GMDS: variants seen among roughly 807,000 people sequenced by gnomAD.
The protein encoded by GMDS is GDP-mannose 4,6-dehydratase.
GMDS carries 20 observed loss-of-function variants against 49.9 expected under a neutral mutation model. The observed-to-expected ratio is 0.40, with a 90% CI of 0.28 to 0.58. The LOEUF (loss-of-function observed/expected upper bound fraction) is 0.58, where lower values mean the gene tolerates loss of function less well. GMDS is among the 20% of genes least tolerant of loss of function. The pLI, the probability that GMDS is intolerant of heterozygous loss-of-function variation, is 0.42. For missense variants in GMDS, 362 were observed against 481.4 expected (o/e 0.75, Z 2.32); for synonymous variants, 177 against 178.6 (o/e 0.99, Z 0.07).
chr6:1,675,789 G>C lies in GMDS; in HGVS notation c.987+50627C>G, dbSNP rs1238376454. Among the ~76,000 whole-genome samples the C allele has an allele frequency of 7.9e-5, 12 of 151,118 alleles. 1 individual carries two copies. The highest frequency in any genetic ancestry group is 7.3e-4 in the Admixed American group (11 of 15,154). On this transcript the variant is annotated intron_variant, in intron 9 of 10. Coordinates refer to ENST00000380815, the MANE Select transcript of GMDS (RefSeq NM_001500.4). ...AATGGCGTGAACTCGGGAGGTGGAGGTTGCAGTGAGCCGAGATCACGCCAC... is the reference window on the plus strand; with the variant it reads ...AATGGCGTGAACTCGGGAGGTGGAGCTTGCAGTGAGCCGAGATCACGCCAC...
intron 1 of GMDS, among the ~76,000 whole-genome samples, chr6:2,150,897 C>G (rs1051612877): frequency 6.6e-6 from 1 of 152,116 alleles, no homozygotes; most frequent in Non-Finnish European, 1.5e-5. Context: ...CAGCTTCTAG[C>G]TAATTTGAAT....
intron 1 of GMDS, among the ~76,000 whole-genome samples, chr6:2,206,710 G>T (rs996896292): frequency 6.6e-6 from 1 of 152,202 alleles, no homozygotes; most frequent in African/African-American, 2.4e-5. Flanking sequence ...CAGAGCTCTG[G>T]CTTGGTAGGT....
chr6:1,792,397 C>T (rs1769581114), intron 7 of GMDS, among the ~76,000 whole-genome samples: 1 of 152,192 alleles, frequency 6.6e-6, no homozygotes, highest in Non-Finnish European at 1.5e-5. Context: ...AAACATCTCT[C>T]TTGAAGGGAT....
intron 7 of GMDS, among the ~76,000 whole-genome samples, chr6:1,913,242 G>A (rs1007340588): frequency 1.4e-4 from 21 of 150,752 alleles, no homozygotes; most frequent in South Asian, 4.2e-4. Flanking sequence ...TTAGCCGGGC[G>A]TAGTGGCGGG....
rs1439032392 is a variant in GMDS at position 2,008,853 on chromosome 6, C to T, written c.346-47887G>A. ...AGTTTGTTACATGCCCTAGCAGGTA[C>T]GTAACATACCTCATTTTTTGGTTTT... On this transcript the variant is annotated intron_variant, in intron 4 of 10. Transcript: ENST00000380815. Among the ~76,000 whole-genome samples the T allele has an allele frequency of 3.9e-5, 6 of 152,262 alleles. No individual in the cohort carries two copies. The East Asian group carries it at 5.8e-4, about 15-fold the overall frequency.
intron 7 of GMDS, among the ~76,000 whole-genome samples, chr6:1,923,809 G>C (rs565119393): frequency 4.5e-4 from 68 of 152,340 alleles, no homozygotes; most frequent in South Asian, 2.9e-3. Context: ...CTTCCTTCCA[G>C]ATTTGTGTAA....
At chr6:1,711,193 C>T (rs1049244322) in intron 9 of GMDS, among the ~76,000 whole-genome samples, 3 of 152,256 alleles carry the variant, frequency 2.0e-5, no homozygotes, top group African/African-American at 7.2e-5. Context: ...CTGTGTGCAT[C>T]ATTCCCTGAC....
At chr6:1,658,430 C>T (rs1206798390) in intron 9 of GMDS, among the ~76,000 whole-genome samples, 2 of 152,268 alleles carry the variant, frequency 1.3e-5, no homozygotes, top group African/African-American at 4.8e-5. Flanking sequence ...GCCCACACAG[C>T]CCAGCGCTCT....
intron 4 of GMDS, among the ~76,000 whole-genome samples, chr6:2,073,886 C>G (rs1253957092): frequency 6.6e-6 from 1 of 152,064 alleles, no homozygotes; most frequent in South Asian, 2.1e-4. Flanking sequence ...TGTATATATA[C>G]CACATTTTCT....
chr6:2,217,215 C>A (rs1780382665), intron 1 of GMDS, among the ~76,000 whole-genome samples: 1 of 152,052 alleles, frequency 6.6e-6, no homozygotes. Flanking sequence ...CACCTGGCTG[C>A]ACCCCCTCCC....
At chr6:2,126,699 A>G (rs540205930) in intron 1 of GMDS, among the ~76,000 whole-genome samples, 1 of 152,238 alleles carries the variant, frequency 6.6e-6, no homozygotes, top group East Asian at 1.9e-4. Context: ...CAGTGCTGTT[A>G]TCGTGGCTCA....
chr6:1,970,904 G>A (rs1406930557), intron 4 of GMDS, among the ~76,000 whole-genome samples: 1 of 147,916 alleles, frequency 6.8e-6, no homozygotes, highest in East Asian at 2.1e-4. Context: ...AGCATGGCAC[G>A]TGTTTACCTG....
intron 1 of GMDS, among the ~76,000 whole-genome samples, chr6:2,216,944 T>C (rs1780366302): frequency 6.6e-6 from 1 of 152,128 alleles, no homozygotes. Flanking sequence ...CAGTGGTTCC[T>C]ACTCCAGGAC....
At chr6:1,727,969 TC>T (rs1384471891) in intron 8 of GMDS, among the ~76,000 whole-genome samples, 1 of 152,240 alleles carries the variant, frequency 6.6e-6, no homozygotes, top group Admixed American at 6.5e-5. Context: ...TTTCATTTCT[TC>T]CTTAATGTTG....
At chr6:1,881,926 G>A (rs971929698) in intron 7 of GMDS, among the ~76,000 whole-genome samples, 1 of 152,202 alleles carries the variant, frequency 6.6e-6, no homozygotes, top group Non-Finnish European at 1.5e-5. Flanking sequence ...ACAGCAGTAA[G>A]ATTCAAAGTC....
intron 1 of GMDS, among the ~76,000 whole-genome samples, chr6:2,230,063 C>G (rs576082674): frequency 2.3e-4 from 35 of 151,082 alleles, no homozygotes; most frequent in Non-Finnish European, 2.5e-4. Context: ...AGACCCCTAT[C>G]CAGAGTCCAC....
chr6:1,779,505 T>C (rs1028447763), intron 7 of GMDS, among the ~76,000 whole-genome samples: 1 of 152,148 alleles, frequency 6.6e-6, no homozygotes, highest in Admixed American at 6.5e-5. Context: ...AAGGAAAGTT[T>C]TTGATAGAGT....
intron 1 of GMDS, among the ~76,000 whole-genome samples, chr6:2,208,105 G>A (rs762660244): frequency 6.6e-6 from 1 of 151,918 alleles, no homozygotes; most frequent in African/African-American, 2.4e-5. Flanking sequence ...GCATAAGTTA[G>A]AACCCAACAC....
Position 1,997,246 on chromosome 6 carries a change from ATG to A in GMDS, c.346-36282_346-36281del, listed in dbSNP as rs1766340001. 2.6e-5 allele frequency among the ~76,000 whole-genome samples: 4 copies of A among 152,224 alleles called. No homozygotes were observed. In the South Asian group the frequency reaches 8.3e-4, roughly 32 times the overall value. On this transcript the variant is annotated intron_variant, in intron 4 of 10. Coordinates refer to ENST00000380815, the MANE Select transcript of GMDS (RefSeq NM_001500.4). Reference sequence around the variant, plus strand: ...GAAGACTGGCTGGGCACGGTGGCTCATGCCTGTAATCACAGCACTTTGGGAGG... The same window carrying A: ...GAAGACTGGCTGGGCACGGTGGCTCACCTGTAATCACAGCACTTTGGGAGG...
Sources: allele counts gnomAD v4.1 joint callset (sites outside exome capture counted in the v4.1 genomes callset), GRCh38; gene constraint gnomAD v4.1.1; transcripts MANE v1.5; gene names NCBI Gene and HGNC (gene_info 2026-07-23, HGNC 2026-07-21).